The following UBE4A variants were observed in gnomAD, a reference collection of about 807,000 sequenced individuals.
The protein encoded by UBE4A is ubiquitination factor E4A.
In UBE4A, 48 loss-of-function variants were observed where a neutral mutation model predicts 117.9. The observed-to-expected ratio is 0.41, with a 90% confidence interval of 0.32 to 0.52. The LOEUF is 0.52. UBE4A is among the 20% of genes least tolerant of loss of function. UBE4A has a pLI of 0.33. For synonymous variants in UBE4A, 407 were observed against 450.0 expected (o/e 0.90, Z 1.21); for missense variants, 1,067 against 1,296.3 (o/e 0.82, Z 2.72).
At chr11:118,369,646 C>CA in intron 4 of UBE4A, 111 bp downstream of exon 4, 1 of 491,638 alleles carries the variant, frequency 2.0e-6, no homozygotes, top group Non-Finnish European at 3.6e-6. Context: ...ATCCCTCTCT[C>CA]TTTTTTTTTT....
Position 118,365,157 on chromosome 11 carries a change from A to G in UBE4A, c.77A>G (p.Lys26Arg), listed in dbSNP as rs1948552626. ...CTTTTTGGCTCCCTGGCTGATGCCA[A>G]ACAGTTTGCGGCAATCCAAAAAGAG... The part of the protein sequence containing the change: ...AALFGSLADA[K>R]QFAAIQKEQL... The change falls in exon 2 of 20, where the codon AAA becomes AGA. Residue 26 changes from lysine (K) to arginine (R), a missense_variant. Around this residue, in one of 3 missense-constraint regions of UBE4A, gnomAD observed 1,001 missense variants for 1,184.0 expected, o/e 0.85. Transcript: ENST00000252108. 2 of 1,613,684 alleles carry G rather than the reference A, an allele frequency of 1.2e-6. No individual in the cohort carries two copies. Among genetic ancestry groups the G allele is most frequent in the Non-Finnish European group, 1.7e-6 (2 of 1,179,826 alleles).
intron 2 of UBE4A, among the ~76,000 whole-genome samples, chr11:118,365,730 C>T (rs550977979): frequency 1.1e-4 from 16 of 152,298 alleles, no homozygotes; most frequent in Non-Finnish European, 1.6e-4. Flanking sequence ...CGATGAGTGG[C>T]ATCATTTGTA....
intron 15 of UBE4A, among the ~76,000 whole-genome samples, chr11:118,385,529 TG>T (rs1233212079): frequency 2.6e-5 from 4 of 152,228 alleles, no homozygotes; most frequent in African/African-American, 9.6e-5. Flanking sequence ...AAAATGCAGC[TG>T]GGTGCCTCTC....
intron 19 of UBE4A, among the ~76,000 whole-genome samples, chr11:118,393,195 T>A (rs922922618): frequency 2.0e-5 from 3 of 152,086 alleles, no homozygotes; most frequent in African/African-American, 7.2e-5. Context: ...GGCAGGTGGA[T>A]CACTTGAGGT....
At chr11:118,374,824 G>C in intron 8 of UBE4A, 72 bp from the exon 9 acceptor site, 1 of 1,382,256 alleles carries the variant, frequency 7.2e-7, no homozygotes, top group Non-Finnish European at 9.5e-7. Flanking sequence ...GAAACTGCCA[G>C]TTGCTAAGGT....
At chr11:118,362,337 G>A (rs552169840) in intron 1 of UBE4A, among the ~76,000 whole-genome samples, 1 of 152,226 alleles carries the variant, frequency 6.6e-6, no homozygotes, top group African/African-American at 2.4e-5. Flanking sequence ...TGTTGGTCAG[G>A]CTGGTCTTGA....
chr11:118,366,452 GGC>G (rs1321117747), intron 2 of UBE4A, among the ~76,000 whole-genome samples: 2 of 152,180 alleles, frequency 1.3e-5, no homozygotes, highest in Non-Finnish European at 2.9e-5. Context: ...TTGTCCTTCT[GGC>G]TATAAACAGA....
At chr11:118,377,890 G>C (rs1280056567) in intron 10 of UBE4A, among the ~76,000 whole-genome samples, 1 of 148,890 alleles carries the variant, frequency 6.7e-6, no homozygotes, top group African/African-American at 2.5e-5. Flanking sequence ...TCCAGCCTGG[G>C]CAACATAGTG....
intron 19 of UBE4A, among the ~76,000 whole-genome samples, chr11:118,393,656 C>T (rs561520913): frequency 9.2e-5 from 14 of 151,976 alleles, no homozygotes; most frequent in East Asian, 3.9e-4. Context: ...AGTGCAGTGG[C>T]GCGATCTCAG....
chr11:118,377,160 T>C (rs1335229234), intron 10 of UBE4A, among the ~76,000 whole-genome samples: 2 of 152,254 alleles, frequency 1.3e-5, no homozygotes, highest in Non-Finnish European at 2.9e-5. Flanking sequence ...TACTTGTGTT[T>C]CATGAATCAG....
chr11:118,371,392 T>C (rs1019090452), intron 4 of UBE4A, 122 bp from the exon 5 acceptor site: 2 of 1,260,052 alleles, frequency 1.6e-6, no homozygotes, highest in African/African-American at 3.0e-5. Flanking sequence ...TTTTTTCTCC[T>C]TCACTCTACA....
chr11:118,382,826 G>A (rs782223783), intron 13 of UBE4A, 50 bp downstream of exon 13: 3 of 1,435,026 alleles, frequency 2.1e-6, no homozygotes, highest in East Asian at 2.5e-5. Context: ...GATACCAGTG[G>A]AGTTTCATAG....
In UBE4A at chr11:118,397,898, A is replaced by G. The variant is rs7108613; in HGVS notation, c.*1458A>G. 0.17 allele frequency: 25,477 copies of G among 152,236 alleles called. 2,671 individuals carry two copies. Among genetic ancestry groups the G allele is most frequent in the East Asian group, 0.51 (2,618 of 5,176 alleles). The allele number at this position is 152,236 out of a possible 1,614,324, so 9.4% of individuals were successfully genotyped here. On this transcript the variant is annotated 3_prime_UTR_variant, in exon 20 of 20. Transcript: ENST00000252108. Reference sequence around the variant, plus strand: ...TCTAAGAGGGCTTCCCATCCTAGATATAAAATAGGTGTTGCCTATTGCTGT... The same window carrying G: ...TCTAAGAGGGCTTCCCATCCTAGATGTAAAATAGGTGTTGCCTATTGCTGT...
intron 10 of UBE4A, among the ~76,000 whole-genome samples, chr11:118,377,933 C>A (rs1948667935): frequency 6.9e-6 from 1 of 145,084 alleles, no homozygotes; most frequent in South Asian, 2.2e-4. Context: ...AAAAAAATTT[C>A]ATTACTACTC....
chr11:118,360,986 ATG>A (rs10624453), intron 1 of UBE4A, among the ~76,000 whole-genome samples: 47 of 140,880 alleles, frequency 3.3e-4, no homozygotes, highest in African/African-American at 8.5e-4. Context: ...GTATGTATAT[ATG>A]TGTGTGTGTG....
intron 9 of UBE4A, 139 bp downstream of exon 9, chr11:118,375,368 C>CTT: frequency 1.1e-6 from 1 of 902,298 alleles, no homozygotes; most frequent in Non-Finnish European, 1.6e-6. Flanking sequence ...ATTTTTTTTT[C>CTT]TTTTTTTTTG....
intron 5 of UBE4A, among the ~76,000 whole-genome samples, chr11:118,372,288 A>T (rs1460636151): frequency 6.6e-6 from 1 of 152,186 alleles, no homozygotes; most frequent in Non-Finnish European, 1.5e-5. Flanking sequence ...ATTCATTTCC[A>T]CTGAGATGTA....
chr11:118,368,489 A>T, intron 2 of UBE4A, 142 bp from the exon 3 acceptor site: 1 of 973,688 alleles, frequency 1.0e-6, no homozygotes, highest in Non-Finnish European at 1.5e-6. Flanking sequence ...AACTTCCCTG[A>T]CTTGAGATGT....
chr11:118,379,459 A>G lies in UBE4A; in HGVS notation c.1585A>G (p.Met529Val), dbSNP rs782811468. The G allele has an allele frequency of 6.2e-7, 1 of 1,612,388 alleles. No individual in the cohort carries two copies. Among genetic ancestry groups the G allele is most frequent in the South Asian group, 1.1e-5 (1 of 91,052 alleles). The change falls in exon 11 of 20, where the codon ATG (methionine) becomes GTG (valine). Residue 529 changes from methionine to valine, a missense_variant. Coordinates refer to ENST00000252108, the MANE Select transcript of UBE4A (RefSeq NM_001204077.2). ...YLGFHRLHDQ[M>V]VKINQNLHRL... is the part of the protein sequence containing the mutation. Reference sequence around the variant, plus strand: ...TCTTGGGGGCAGGTTGCATGATCAGATGGTAAAAATCAACCAAAATCTGCA... The same window carrying G: ...TCTTGGGGGCAGGTTGCATGATCAGGTGGTAAAAATCAACCAAAATCTGCA...
Sources: gnomAD v4.1 joint callset for allele counts (sites outside exome capture counted in the v4.1 genomes callset) on GRCh38, gnomAD v4.1.1 for gene constraint, gnomAD v4.1.1 regional missense constraint, MANE v1.5 for transcripts, NCBI Gene and HGNC (gene_info 2026-07-23, HGNC 2026-07-21) for gene names.